CCP110: variants seen among roughly 807,000 people sequenced by gnomAD.
CCP110 encodes centriolar coiled-coil protein of 110 kDa.
CCP110 carries 43 observed loss-of-function variants against 105.5 expected under a neutral mutation model. That is an observed-to-expected ratio of 0.41 (90% CI 0.32 to 0.53). The LOEUF is 0.53. CCP110 is among the 20% of genes least tolerant of loss of function. CCP110 has a pLI of 0.32. For synonymous variants in CCP110, 353 were observed against 392.1 expected (o/e 0.90, Z 1.18); for missense variants, 1,016 against 1,189.1 (o/e 0.85, Z 2.14).
chr16:19,542,847 A>G (rs967302752), intron 7 of CCP110, 31 bp from the exon 8 acceptor site: 3 of 1,522,894 alleles, frequency 2.0e-6, no homozygotes, highest in African/African-American at 2.7e-5. Flanking sequence ...ATGAACACCA[A>G]TAAACATTGT....
At chr16:19,532,470 G>A in exon 3 of CCP110, 1 of 1,610,584 alleles carries the variant, frequency 6.2e-7, no homozygotes, top group Non-Finnish European at 8.5e-7. Flanking sequence ...AGCACTTGAT[G>A]TAGAAGCAAG....
intron 3 of CCP110, among the ~76,000 whole-genome samples, chr16:19,534,300 A>G (rs1597256599): frequency 6.6e-6 from 1 of 152,362 alleles, no homozygotes; most frequent in Non-Finnish European, 1.5e-5. Flanking sequence ...GAGGGAAGAT[A>G]AAATATACTA....
exon 15 of CCP110, chr16:19,551,222 A>C (rs758988242): frequency 6.2e-7 from 1 of 1,612,812 alleles, no homozygotes. Flanking sequence ...AATCCAAAGA[A>C]AGCGGCCAAA....
intron 2 of CCP110, among the ~76,000 whole-genome samples, chr16:19,528,712 A>G (rs1969760234): frequency 6.6e-6 from 1 of 152,202 alleles, no homozygotes; most frequent in Non-Finnish European, 1.5e-5. Context: ...CCTGGTCAAC[A>G]TAGTGAGACC....
chr16:19,540,904 G>A, intron 5 of CCP110, 117 bp downstream of exon 5: 2 of 643,908 alleles, frequency 3.1e-6, no homozygotes, highest in South Asian at 6.6e-5. Context: ...TAAGGTAAGG[G>A]AGTCATTTTG....
At chr16:19,536,468 G>A (rs1183129444) in exon 4 of CCP110, 6 of 1,614,042 alleles carry the variant, frequency 3.7e-6, no homozygotes, top group Non-Finnish European at 5.1e-6. Context: ...AGAACATGAT[G>A]CTGTTGAAGT....
chr16:19,541,107 C>T (rs907824467), intron 5 of CCP110, among the ~76,000 whole-genome samples: 14 of 151,940 alleles, frequency 9.2e-5, no homozygotes, highest in African/African-American at 3.4e-4. Context: ...GACACTCATG[C>T]TGGGCGTGGT....
At chr16:19,551,563 T>C (rs1179487597) in exon 15 of CCP110, 3 of 255,080 alleles carry the variant, frequency 1.2e-5, no homozygotes, top group Non-Finnish European at 2.2e-5. Flanking sequence ...GTCAAGGACA[T>C]TTGGATTTAC....
At chr16:19,537,579 G>A in exon 4 of CCP110, 1 of 1,548,504 alleles carries the variant, frequency 6.5e-7, no homozygotes, top group Non-Finnish European at 8.7e-7. Flanking sequence ...TTAGGAACTA[G>A]TTCCAAAGGT....
intron 4 of CCP110, among the ~76,000 whole-genome samples, chr16:19,538,299 G>GTTGTTTTTTT (rs1555491002): frequency 1.2e-5 from 1 of 86,824 alleles, no homozygotes; most frequent in East Asian, 4.9e-4. Flanking sequence ...GGAGGAAACA[G>GTTGTTTTTTT]TTCTTTTTTT....
chr16:19,540,935 G>A (rs1358381827), intron 5 of CCP110, 148 bp downstream of exon 5: 1 of 527,064 alleles, frequency 1.9e-6, no homozygotes, highest in Non-Finnish European at 3.4e-6. Context: ...GGTATTTTTT[G>A]TCAAAATATG....
chr16:19,545,208 A>G, exon 10 of CCP110: 3 of 1,523,008 alleles, frequency 2.0e-6, no homozygotes, highest in Non-Finnish European at 2.7e-6. Flanking sequence ...GCTCAGGCAA[A>G]TGGTATGTTA....
At chr16:19,535,674 A>G (rs1970026500) in intron 3 of CCP110, among the ~76,000 whole-genome samples, 1 of 152,106 alleles carries the variant, frequency 6.6e-6, no homozygotes, top group South Asian at 2.1e-4. Context: ...ATATGTTCAT[A>G]TTTGTATCAG....
intron 5 of CCP110, among the ~76,000 whole-genome samples, chr16:19,541,243 A>G (rs1047668996): frequency 6.6e-6 from 1 of 151,888 alleles, no homozygotes; most frequent in Admixed American, 6.6e-5. Flanking sequence ...AGCCTGGGCA[A>G]CAGAGGGAGA....
At chr16:19,550,657 C>G (rs1970606746) in intron 14 of CCP110, among the ~76,000 whole-genome samples, 2 of 152,158 alleles carry the variant, frequency 1.3e-5, no homozygotes, top group South Asian at 4.1e-4. Flanking sequence ...CTTTGTTAAG[C>G]AATTTATAGA....
chr16:19,547,413 A>G lies in CCP110; in HGVS notation c.2841-542A>G, dbSNP rs1970499299. The G allele has an allele frequency of 2.0e-5, 3 of 152,600 alleles. No homozygotes were observed. In the South Asian group the frequency reaches 6.2e-4, roughly 32 times the overall value. 9.5% of individuals were successfully genotyped at this position (152,600 alleles called of 1,614,324 possible). On this transcript the variant is annotated intron_variant, in intron 12 of 14. Transcript: ENST00000381396. ...GGGCGACAGAGCAAGGGTCCGTCTC[A>G]AAAAAAAGCTAACTTAAGCTGGGCA...
At chr16:19,531,898 G>A (rs1364186236) in intron 2 of CCP110, among the ~76,000 whole-genome samples, 2 of 151,522 alleles carry the variant, frequency 1.3e-5, no homozygotes, top group Admixed American at 1.3e-4. Context: ...CCCAGGAGGC[G>A]GAGGTTGCAG....
chr16:19,531,852 T>C (rs373416829), intron 2 of CCP110, among the ~76,000 whole-genome samples: 2 of 151,640 alleles, frequency 1.3e-5, no homozygotes, highest in East Asian at 3.9e-4. Context: ...TGTAAGCCCA[T>C]CTACTCCGGA....
At position 19,533,630 on chromosome 16, in the gene CCP110, A is replaced by G. The variant is rs184982599; in HGVS notation, c.270+1086A>G. ...TCAATAAATCTGCATTTTACATAGGATAAAGTAAGCAGAGTAGAGGAAGAA... is the reference window on the plus strand; with the variant it reads ...TCAATAAATCTGCATTTTACATAGGGTAAAGTAAGCAGAGTAGAGGAAGAA... On this transcript the variant is annotated intron_variant, in intron 3 of 14. Coordinates refer to ENST00000381396, the Ensembl canonical transcript of CCP110. Among the ~76,000 whole-genome samples the G allele has an allele frequency of 2.4e-3, 358 of 152,336 alleles. 1 individual carries two copies. The highest frequency in any genetic ancestry group is 4.1e-3 in the Admixed American group (62 of 15,304).
Sources: allele counts gnomAD v4.1 joint callset (sites outside exome capture counted in the v4.1 genomes callset), GRCh38; gene constraint gnomAD v4.1.1; transcripts MANE v1.5; gene names NCBI Gene and HGNC (gene_info 2026-07-23, HGNC 2026-07-21).